Variants in CFAP36 observed in about 807,000 individuals in gnomAD.
CFAP36 encodes cilia and flagella associated protein 36.
In CFAP36, 37 loss-of-function variants were observed where a neutral mutation model predicts 50.5. The observed-to-expected ratio is 0.73, with a 90% confidence interval of 0.56 to 0.96. The LOEUF (loss-of-function observed/expected upper bound fraction) is 0.96. Ranked by LOEUF, CFAP36 falls within the 50% of genes least tolerant of loss-of-function variation. CFAP36 has a pLI of 0.00. For missense variants in CFAP36, 407 were observed against 396.2 expected (o/e 1.03, Z -0.23); for synonymous variants, 138 against 128.2 (o/e 1.08, Z -0.52).
At chr2:55,544,773 C>G (rs1684727876) in intron 9 of CFAP36, 134 bp from the exon 10 acceptor site, 4 of 622,052 alleles carry the variant, frequency 6.4e-6, no homozygotes, top group Non-Finnish European at 5.7e-6. Flanking sequence ...TTTAGGAAAC[C>G]TAGTCTATGT....
intron 7 of CFAP36, 47 bp downstream of exon 7, chr2:55,537,632 A>AGTCTGTTAAGGTTTTTG: frequency 8.3e-7 from 1 of 1,207,304 alleles, no homozygotes; most frequent in Middle Eastern, 1.9e-4. Flanking sequence ...TGAATACATA[A>AGTCTGTTAAGGTTTTTG]ACACCATATA....
chr2:55,538,783 C>T (rs1258109522), intron 7 of CFAP36: 13 of 1,545,732 alleles, frequency 8.4e-6, no homozygotes, highest in East Asian at 2.5e-5. Context: ...GGAAGCTGAG[C>T]GACTTGTCCA....
Position 55,533,529 on chromosome 2 carries a change from C to T in CFAP36, c.398-344C>T, listed in dbSNP as rs142782582. On this transcript the variant is annotated intron_variant, in intron 4 of 9. Coordinates refer to ENST00000349456, the MANE Select transcript of CFAP36 (RefSeq NM_080667.7). ...GACCAGCCTGCCGACATGGTGAAACCCCATCTCTACTAAAAATTAGCTGGG... is the reference window on the plus strand; with the variant it reads ...GACCAGCCTGCCGACATGGTGAAACTCCATCTCTACTAAAAATTAGCTGGG... Among the ~76,000 whole-genome samples, 237 of 151,744 alleles carry T rather than the reference C, an allele frequency of 1.6e-3. 1 individual carries two copies. The highest frequency in any genetic ancestry group is 5.5e-3 in the African/African-American group (226 of 41,362).
intron 7 of CFAP36, among the ~76,000 whole-genome samples, chr2:55,540,795 G>A (rs930878769): frequency 2.6e-5 from 4 of 151,982 alleles, no homozygotes; most frequent in Non-Finnish European, 4.4e-5. Context: ...AAAACTGTTC[G>A]AGCTCAGGAG....
In CFAP36 at chr2:55,519,797, G is replaced by A; in HGVS notation, c.-5G>A. The A allele has an allele frequency of 6.2e-7, 1 of 1,614,232 alleles. No homozygotes were observed. The highest frequency in any genetic ancestry group is 8.5e-7 in the Non-Finnish European group (1 of 1,180,026). Reference sequence around the variant, plus strand: ...GGATCTTCCCCGTTGCCCCTTTGGGGCGGGATGGCTGCGGAAGAAGAAGAC... The same window carrying A: ...GGATCTTCCCCGTTGCCCCTTTGGGACGGGATGGCTGCGGAAGAAGAAGAC... On this transcript the variant is annotated 5_prime_UTR_variant, in exon 1 of 10. Coordinates refer to ENST00000349456, the MANE Select transcript of CFAP36 (RefSeq NM_080667.7).
At chr2:55,521,671 C>G (rs1385911878) in intron 1 of CFAP36, among the ~76,000 whole-genome samples, 2 of 150,396 alleles carry the variant, frequency 1.3e-5, no homozygotes, top group Non-Finnish European at 3.0e-5. Context: ...ACTCTGCCGC[C>G]CAGGCTGGAG....
chr2:55,528,099 C>T (rs1010933355), intron 3 of CFAP36, among the ~76,000 whole-genome samples: 8 of 151,470 alleles, frequency 5.3e-5, no homozygotes, highest in East Asian at 3.9e-4. Context: ...GTAATCTGCC[C>T]ACCTCAGCCT....
At chr2:55,535,417 A>G (rs915122501) in intron 5 of CFAP36, among the ~76,000 whole-genome samples, 1 of 152,196 alleles carries the variant, frequency 6.6e-6, no homozygotes, top group African/African-American at 2.4e-5. Flanking sequence ...TTGCCATTCA[A>G]ATTTGGGTTC....
intron 1 of CFAP36, 55 bp downstream of exon 1, chr2:55,519,971 G>C: frequency 6.5e-7 from 1 of 1,542,480 alleles, no homozygotes; most frequent in Non-Finnish European, 8.9e-7. Context: ...CACCAGCGGC[G>C]GGCAGGGGGT....
Position 55,545,063 on chromosome 2 carries a change from T to A in CFAP36, c.*55T>A. ...TTCAAATTGTCTTAAAAATAAATTATTTAGTCCTTACACTGAGCCTTTTAG... is the reference window on the plus strand; with the variant it reads ...TTCAAATTGTCTTAAAAATAAATTAATTAGTCCTTACACTGAGCCTTTTAG... On this transcript the variant is annotated 3_prime_UTR_variant, in exon 10 of 10. Transcript: ENST00000349456. The A allele has an allele frequency of 9.2e-7, 1 of 1,090,334 alleles. No homozygotes were observed. Among genetic ancestry groups the A allele is most frequent in the South Asian group, 1.5e-5 (1 of 66,960 alleles). 67.5% of individuals were successfully genotyped at this position (1,090,334 alleles called of 1,614,324 possible).
chr2:55,530,104 G>C (rs1160152853), intron 4 of CFAP36, among the ~76,000 whole-genome samples: 1 of 152,174 alleles, frequency 6.6e-6, no homozygotes, highest in East Asian at 1.9e-4. Flanking sequence ...TTGTGGGAGG[G>C]ACCCAGTGGG....
intron 3 of CFAP36, among the ~76,000 whole-genome samples, chr2:55,528,213 T>C (rs752479350): frequency 2.7e-5 from 4 of 149,240 alleles, no homozygotes; most frequent in Admixed American, 2.6e-4. Flanking sequence ...TATGTAATCA[T>C]AGAATAATCA....
intron 1 of CFAP36, among the ~76,000 whole-genome samples, chr2:55,521,754 C>T (rs1311006478): frequency 2.0e-5 from 3 of 151,720 alleles, no homozygotes; most frequent in South Asian, 2.1e-4. Context: ...CTCAGCCTCC[C>T]GAGTAGCTGG....
At chr2:55,529,699 T>G in intron 4 of CFAP36, among the ~76,000 whole-genome samples, 1 of 145,466 alleles carries the variant, frequency 6.9e-6, no homozygotes, top group East Asian at 2.0e-4. Context: ...CAGGCTGGAG[T>G]GCAGTGGCAT....
In CFAP36 at chr2:55,522,101, G is replaced by A; in HGVS notation, c.116-1G>A. ...TATGTAATATTTTCTTTTAAATTTA[G>A]TTTTTGATGATGAAGAAGAAAGCAA... is the stretch of plus-strand genomic sequence containing the variant. On this transcript the variant is annotated splice_acceptor_variant, in intron 1 of 9. Coordinates refer to ENST00000349456, the MANE Select transcript of CFAP36 (RefSeq NM_080667.7). LOFTEE classifies it high-confidence loss of function. 6.9e-7 allele frequency: 1 copy of A among 1,456,318 alleles called. No individual in the cohort carries two copies. The highest frequency in any genetic ancestry group is 1.2e-5 in the South Asian group (1 of 82,256). The allele number at this position is 1,456,318 out of a possible 1,614,324, so 90.2% of individuals were successfully genotyped here. A position where few individuals can be genotyped will look rare whatever the true frequency, so the allele number is the denominator to read the frequency against.
At chr2:55,523,590 A>G (rs1225641674) in intron 2 of CFAP36, 131 bp from the exon 3 acceptor site, 11 of 506,274 alleles carry the variant, frequency 2.2e-5, no homozygotes, top group Non-Finnish European at 3.9e-5. Flanking sequence ...AGACAATGTC[A>G]CTGTCATGTA....
chr2:55,531,079 C>T (rs762948146), intron 4 of CFAP36: 11 of 152,126 alleles, frequency 7.2e-5, no homozygotes, highest in African/African-American at 1.4e-4. Context: ...CAGCTAATAG[C>T]GCTGTTGTCT....
intron 1 of CFAP36, chr2:55,520,266 G>A: frequency 1.3e-6 from 1 of 747,762 alleles, no homozygotes; most frequent in Non-Finnish European, 2.1e-6. Context: ...CAGGTGGACT[G>A]TTTGGCTGGG....
intron 5 of CFAP36, among the ~76,000 whole-genome samples, chr2:55,535,229 T>C (rs1433138576): frequency 6.6e-6 from 1 of 152,228 alleles, no homozygotes; most frequent in African/African-American, 2.4e-5. Flanking sequence ...AAGCACTGTC[T>C]CAGTGAACAG....
Sources: gnomAD v4.1 joint callset for allele counts (sites outside exome capture counted in the v4.1 genomes callset) on GRCh38, gnomAD v4.1.1 for gene constraint, MANE v1.5 for transcripts, NCBI Gene and HGNC (gene_info 2026-07-23, HGNC 2026-07-21) for gene names.